TARDBP: variants seen among roughly 807,000 people sequenced by gnomAD.
TARDBP encodes TAR DNA-binding protein 43.
TARDBP carries 4 observed loss-of-function variants against 38.3 expected under a neutral mutation model. The ratio of observed to expected loss-of-function variants is 0.10; its 90% confidence interval spans 0.05 to 0.24. The LOEUF (loss-of-function observed/expected upper bound fraction) is 0.24, where lower values mean the gene tolerates loss of function less well. TARDBP is among the 10% of genes least tolerant of loss of function. The probability of loss-of-function intolerance (pLI) is 1.00; values close to 1 mark genes in which losing one functional copy is unlikely to be tolerated. For missense variants in TARDBP, 202 were observed against 521.9 expected (o/e 0.39, Z 5.97); for synonymous variants, 184 against 183.8 (o/e 1.00, Z -0.01).
chr1:11,021,861 C>T (rs1247833512), intron 5 of TARDBP, among the ~76,000 whole-genome samples: 2 of 152,144 alleles, frequency 1.3e-5, no homozygotes, highest in South Asian at 2.1e-4. Context: ...ACACAGTCCT[C>T]CCACCTTGGC....
intron 5 of TARDBP, among the ~76,000 whole-genome samples, chr1:11,021,160 CAG>C (rs112344419): frequency 0.037 from 5,547 of 149,974 alleles, 350 homozygotes; most frequent in African/African-American, 0.13. Flanking sequence ...TTTTTTGAGA[CAG>C]AGTTTTGCTC....
intron 4 of TARDBP, 76 bp downstream of exon 4, chr1:11,018,949 C>T (rs1370199906): frequency 1.9e-6 from 3 of 1,601,546 alleles, no homozygotes; most frequent in Non-Finnish European, 2.6e-6. Context: ...GTTAAACACA[C>T]TTAGAAAAGA....
Position 11,024,007 on chromosome 1 carries a change from A to G in TARDBP, c.*1353A>G, listed in dbSNP as rs1643687339. On this transcript the variant is annotated 3_prime_UTR_variant, in exon 6 of 6. Coordinates refer to ENST00000240185, the MANE Select transcript of TARDBP (RefSeq NM_007375.4). ...TTGGATGCTTTTTATAAGAGTTGTC[A>G]TTGTTGGAAATTCTTAAATAAAACT... 6.6e-6 allele frequency: 1 copy of G among 152,610 alleles called. No homozygotes were observed. Among genetic ancestry groups the G allele is most frequent in the African/African-American group, 2.4e-5 (1 of 41,452 alleles). The allele number at this position is 152,610 out of a possible 1,614,324, so 9.5% of individuals were successfully genotyped here. A position where few individuals can be genotyped will look rare whatever the true frequency, so the allele number is the denominator to read the frequency against.
chr1:11,012,912 C>G (rs1384269892), intron 1 of TARDBP, among the ~76,000 whole-genome samples, 169 bp downstream of exon 1: 1 of 152,230 alleles, frequency 6.6e-6, no homozygotes, highest in Non-Finnish European at 1.5e-5. Context: ...TAGGTCCTGG[C>G]ACGGGGAGGC....
rs751628760 is a variant in TARDBP, at chr1:11,023,617, C to T, written c.*963C>T. Reference sequence around the variant, plus strand: ...GAGAGCAATGATAGCAAATAATGTACGAATGTTTTTTGCATTCAAAGGACA... The same window carrying T: ...GAGAGCAATGATAGCAAATAATGTATGAATGTTTTTTGCATTCAAAGGACA... On this transcript the variant is annotated 3_prime_UTR_variant, in exon 6 of 6. Coordinates refer to ENST00000240185, the MANE Select transcript of TARDBP (RefSeq NM_007375.4). 26 of 280,572 alleles carry T rather than the reference C, an allele frequency of 9.3e-5. No homozygotes were observed. The highest frequency in any genetic ancestry group is 1.7e-4 in the Non-Finnish European group (25 of 150,410). The allele number at this position is 280,572 out of a possible 1,614,324, so 17.4% of individuals were successfully genotyped here. A position where few individuals can be genotyped will look rare whatever the true frequency, so the allele number is the denominator to read the frequency against.
chr1:11,016,758 G>C (rs1350702862), intron 2 of TARDBP, 86 bp from the exon 3 acceptor site: 1 of 1,380,726 alleles, frequency 7.2e-7, no homozygotes, highest in Non-Finnish European at 1.0e-6. Context: ...TCTTCTTTTT[G>C]CTTCTCATTT....
chr1:11,021,264 G>A (rs1370441741), intron 5 of TARDBP, among the ~76,000 whole-genome samples: 1 of 151,910 alleles, frequency 6.6e-6, no homozygotes, highest in Admixed American at 6.6e-5. Flanking sequence ...TCAGCCTCCT[G>A]AGTAGCTGGG....
At chr1:11,026,104 C>A (rs1220438243), downstream of TARDBP, 1 of 154,728 alleles carries the variant, frequency 6.5e-6, no homozygotes, top group Non-Finnish European at 1.5e-5. Context: ...GAACATTATT[C>A]AGGTTATTTC....
intron 1 of TARDBP, among the ~76,000 whole-genome samples, 192 bp from the exon 2 acceptor site, chr1:11,013,524 G>A (rs1643456269): frequency 6.6e-6 from 1 of 152,196 alleles, no homozygotes; most frequent in South Asian, 2.1e-4. Context: ...AACTGGCGAG[G>A]CATCACATTT....
chr1:11,021,926 T>C (rs951564317), intron 5 of TARDBP, among the ~76,000 whole-genome samples, 198 bp from the exon 6 acceptor site: 1 of 152,236 alleles, frequency 6.6e-6, no homozygotes, highest in Non-Finnish European at 1.5e-5. Context: ...CTATGTCTTT[T>C]GAAAATCGAC....
Position 11,022,877 on chromosome 1 carries a change from T to G in TARDBP, c.*223T>G. 7.3e-7 allele frequency: 1 copy of G among 1,369,838 alleles called. No individual in the cohort carries two copies. The highest frequency in any genetic ancestry group is 9.4e-7 in the Non-Finnish European group (1 of 1,063,496). The allele number at this position is 1,369,838 out of a possible 1,614,324, so 84.9% of individuals were successfully genotyped here. On this transcript the variant is annotated 3_prime_UTR_variant, in exon 6 of 6. Transcript: ENST00000240185. This position sits in a 1 kb window ranked among gnomAD's most constrained non-coding sequence, Gnocchi z 4.5. Reference sequence around the variant, plus strand: ...ATGAAAGGTTGAAATATTGAGTGGTTGAAAGTGAACTGCTGTTTGCCTGAT... The same window carrying G: ...ATGAAAGGTTGAAATATTGAGTGGTGGAAAGTGAACTGCTGTTTGCCTGAT...
At chr1:11,028,874 T>C (rs1467861577), downstream of TARDBP, among the ~76,000 whole-genome samples, 1 of 138,766 alleles carries the variant, frequency 7.2e-6, no homozygotes, top group Admixed American at 7.2e-5. Context: ...CCACCACACC[T>C]GGCTAATTTT....
At chr1:11,027,083 T>C (rs768536633), downstream of TARDBP, 11 of 1,598,496 alleles carry the variant, frequency 6.9e-6, no homozygotes, top group South Asian at 1.2e-4. Context: ...CCCCACTTTC[T>C]AAGCCAGCAC....
chr1:11,019,167 T>A (rs1361096613), intron 4 of TARDBP: 1 of 415,348 alleles, frequency 2.4e-6, no homozygotes, highest in Non-Finnish European at 4.5e-6. Flanking sequence ...AGTTATATGT[T>A]AAAACATAAA....
At chr1:11,015,374 T>G (rs189520787) in intron 2 of TARDBP, 146 of 152,044 alleles carry the variant, frequency 9.6e-4, no homozygotes, top group African/African-American at 3.3e-3. Flanking sequence ...TAGTCTCAGT[T>G]ATTTGGGAGG....
downstream of TARDBP, chr1:11,027,057 C>T (rs1345262974): frequency 5.0e-6 from 8 of 1,593,508 alleles, no homozygotes; most frequent in Non-Finnish European, 6.8e-6. Flanking sequence ...GCTGTCACCT[C>T]TGCAGCTGTC....
chr1:11,026,322 C>G (rs1490209048), downstream of TARDBP: 4 of 152,148 alleles, frequency 2.6e-5, no homozygotes, highest in Non-Finnish European at 5.9e-5. Context: ...TGAAATAGTA[C>G]TACTATTCAC....
chr1:11,029,468 C>T (rs1310109022), downstream of TARDBP, among the ~76,000 whole-genome samples: 1 of 151,226 alleles, frequency 6.6e-6, no homozygotes, highest in Non-Finnish European at 1.5e-5. Flanking sequence ...AAAAAAAGTA[C>T]TATTAAAAGG....
chr1:11,018,014 C>T (rs1370385425), intron 3 of TARDBP, among the ~76,000 whole-genome samples: 2 of 152,110 alleles, frequency 1.3e-5, no homozygotes, highest in Non-Finnish European at 2.9e-5. Flanking sequence ...TCCCAAGTAG[C>T]TGGGACTACA....
Sources: gnomAD v4.1 joint callset for allele counts (sites outside exome capture counted in the v4.1 genomes callset) on GRCh38, gnomAD v4.1.1 for gene constraint, Gnocchi (gnomAD v3.1) non-coding constraint, MANE v1.5 for transcripts, NCBI Gene and HGNC (gene_info 2026-07-23, HGNC 2026-07-21) for gene names.